The following BTG4 variants were observed in gnomAD, a reference collection of about 807,000 sequenced individuals.
The protein encoded by BTG4 is BTG anti-proliferation factor 4, also known as protein BTG4.
BTG4 carries 10 observed loss-of-function variants against 19.3 expected under a neutral mutation model. The observed-to-expected ratio is 0.52, with a 90% confidence interval of 0.32 to 0.88. The LOEUF (loss-of-function observed/expected upper bound fraction) is 0.88. Among genes scored for constraint, BTG4 ranks in the 40% least tolerant of loss-of-function variants. The probability of loss-of-function intolerance (pLI) is 0.04; values close to 1 mark genes in which losing one functional copy is unlikely to be tolerated. For synonymous variants in BTG4, 91 were observed against 95.7 expected (o/e 0.95, Z 0.29); for missense variants, 238 against 281.9 (o/e 0.84, Z 1.11).
At chr11:111,470,784 A>G (rs1864016382) in intron 5 of BTG4, among the ~76,000 whole-genome samples, 1 of 151,980 alleles carries the variant, frequency 6.6e-6, no homozygotes. Context: ...TTAGCCGGGC[A>G]TGGTGGCACA....
At chr11:111,423,228 G>A in the BTG4 span, among the ~76,000 whole-genome samples, 4 of 152,084 alleles carry the variant, frequency 2.6e-5, no homozygotes, top group South Asian at 2.1e-4. Flanking sequence ...CTGTGGTGGC[G>A]GGCCCGGGAG....
At chr11:111,478,966 G>T (rs1376458386) in intron 5 of BTG4, among the ~76,000 whole-genome samples, 1 of 32,900 alleles carries the variant, frequency 3.0e-5, no homozygotes, top group Non-Finnish European at 1.8e-4. Context: ...GAGAATAGCT[G>T]AAAACTTTCC....
chr11:111,424,769 C>A, the BTG4 span, among the ~76,000 whole-genome samples: 19 of 152,110 alleles, frequency 1.2e-4, no homozygotes, highest in Non-Finnish European at 7.4e-5. Context: ...ACCAGCCTGA[C>A]CAATATGGTG....
chr11:111,460,174 T>C, the BTG4 span: 1 of 152,600 alleles, frequency 6.6e-6, no homozygotes, highest in East Asian at 1.9e-4. Context: ...TCCCCATCTC[T>C]GGTTTCTAAA....
At chr11:111,489,828 T>C (rs1178785585), downstream of BTG4, among the ~76,000 whole-genome samples, 2 of 151,318 alleles carry the variant, frequency 1.3e-5, no homozygotes, top group Admixed American at 6.6e-5. Flanking sequence ...AGTAGAATGG[T>C]TGGTTACTAG....
chr11:111,482,518 A>G (rs1336417187), intron 5 of BTG4, among the ~76,000 whole-genome samples: 1 of 152,128 alleles, frequency 6.6e-6, no homozygotes, highest in Non-Finnish European at 1.5e-5. Flanking sequence ...TAGAAAGAAT[A>G]AAGTGGGAAG....
At chr11:111,513,327 TAGTAG>T (rs1200949369), upstream of BTG4, 2 of 507,814 alleles carry the variant, frequency 3.9e-6, no homozygotes, top group Admixed American at 2.0e-5. Context: ...TGCCATCGTC[TAGTAG>T]AGTATTCACC....
At chr11:111,489,836 T>C (rs2851191), downstream of BTG4, among the ~76,000 whole-genome samples, 142,277 of 152,084 alleles carry the variant, frequency 0.94, 67,319 homozygotes, top group East Asian at 1. Flanking sequence ...GGTTGGTTAC[T>C]AGAAGCCGGG....
At chr11:111,470,732 C>G (rs752853672) in intron 5 of BTG4, among the ~76,000 whole-genome samples, 1 of 152,054 alleles carries the variant, frequency 6.6e-6, no homozygotes, top group Non-Finnish European at 1.5e-5. Flanking sequence ...GCCTGGGCAA[C>G]ACAGTGAGAC....
At chr11:111,435,653 A>G in the BTG4 span, among the ~76,000 whole-genome samples, 3 of 152,308 alleles carry the variant, frequency 2.0e-5, no homozygotes, top group East Asian at 5.8e-4. Flanking sequence ...ACTCGTGCCC[A>G]CTGCCACTCA....
At chr11:111,423,960 G>A in the BTG4 span, among the ~76,000 whole-genome samples, 8 of 152,058 alleles carry the variant, frequency 5.3e-5, no homozygotes, top group Non-Finnish European at 1.0e-4. Context: ...CAGGTGCTAA[G>A]TCACCACAGA....
chr11:111,440,427 C>T, the BTG4 span, among the ~76,000 whole-genome samples: 2 of 152,226 alleles, frequency 1.3e-5, no homozygotes, highest in African/African-American at 2.4e-5. Flanking sequence ...GACAGAGTTT[C>T]CTGGTCCCAA....
chr11:111,475,063 A>G (rs1174122491), intron 5 of BTG4: 2 of 152,590 alleles, frequency 1.3e-5, no homozygotes, highest in East Asian at 3.8e-4. Context: ...TTATAAAACA[A>G]CTATATAATG....
chr11:111,418,329 G>A, the BTG4 span: 1 of 152,228 alleles, frequency 6.6e-6, no homozygotes, highest in Non-Finnish European at 1.5e-5. Context: ...TAGATGCCAT[G>A]GGTGAAGGAA....
chr11:111,513,422 C>G (rs762739395), upstream of BTG4: 2 of 534,454 alleles, frequency 3.7e-6, no homozygotes, highest in Non-Finnish European at 7.7e-6. Context: ...CAACTTGAGA[C>G]TGCAATTTTT....
At chr11:111,496,178 CTG>C (rs1204578481) in intron 4 of BTG4, among the ~76,000 whole-genome samples, 1 of 152,144 alleles carries the variant, frequency 6.6e-6, no homozygotes, top group Non-Finnish European at 1.5e-5. Context: ...TTCACTAATA[CTG>C]TATTATATAT....
chr11:111,427,871 A>ATTC, the BTG4 span, among the ~76,000 whole-genome samples: 1 of 152,200 alleles, frequency 6.6e-6, no homozygotes, highest in Non-Finnish European at 1.5e-5. Flanking sequence ...ATATGACAAT[A>ATTC]GAGTGACAGA....
the BTG4 span, among the ~76,000 whole-genome samples, chr11:111,407,892 G>A: frequency 6.6e-6 from 1 of 152,204 alleles, no homozygotes; most frequent in Non-Finnish European, 1.5e-5. Context: ...CCTAACCACT[G>A]TACCTTATTC....
At chr11:111,458,680 G>A in the BTG4 span, among the ~76,000 whole-genome samples, 1 of 151,964 alleles carries the variant, frequency 6.6e-6, no homozygotes, top group South Asian at 2.1e-4. Context: ...CAAGAAAGGA[G>A]TTCATCCCAA....
Sources: gnomAD v4.1 joint callset for allele counts (sites outside exome capture counted in the v4.1 genomes callset) on GRCh38, gnomAD v4.1.1 for gene constraint, MANE v1.5 for transcripts, NCBI Gene and HGNC (gene_info 2026-07-23, HGNC 2026-07-21) for gene names.